The following STX2 variants were observed in gnomAD, a reference collection of about 807,000 sequenced individuals.
STX2 encodes syntaxin-2.
In STX2, 27 loss-of-function variants were observed where a neutral mutation model predicts 40.6. The ratio of observed to expected loss-of-function variants is 0.66; its 90% CI spans 0.49 to 0.92. The LOEUF (loss-of-function observed/expected upper bound fraction) is 0.92. Ranked by LOEUF, STX2 falls within the 40% of genes least tolerant of loss-of-function variation. The probability of loss-of-function intolerance (pLI) is 0.00; values close to 1 mark genes in which losing one functional copy is unlikely to be tolerated. For missense variants in STX2, 328 were observed against 366.1 expected, an observed-to-expected ratio of 0.90 and a Z score of 0.85; for synonymous variants, 123 against 119.1, an observed-to-expected ratio of 1.03 and a Z score of -0.22.
At position 130,818,767 on chromosome 12, in the gene STX2, G is replaced by A. The variant is rs564041873; in HGVS notation, c.205+2922C>T. 9.8e-5 allele frequency among the ~76,000 whole-genome samples: 15 copies of A among 152,332 alleles called. No homozygotes were observed. The South Asian group carries it at 2.5e-3, about 25-fold the overall frequency. On this transcript the variant is annotated intron_variant, in intron 3 of 10. Transcript: ENST00000392373. ...GGAAGCAGAGAAAACGGGAGCGTGC[G>A]CAGCCGCAAGGACGACCGCACCCGA...
chr12:130,805,629 G>A (rs927912292), intron 6 of STX2, among the ~76,000 whole-genome samples: 49 of 152,126 alleles, frequency 3.2e-4, no homozygotes, highest in Non-Finnish European at 8.8e-5. Flanking sequence ...TGCTCAGAAG[G>A]GTCTTACCTC....
chr12:130,810,221 C>A (rs114004702), intron 4 of STX2, among the ~76,000 whole-genome samples: 2,505 of 152,152 alleles, frequency 0.016, 81 homozygotes, highest in African/African-American at 0.057. Flanking sequence ...TCAGTGAGAA[C>A]CAGAATTTGG....
Position 130,790,789 on chromosome 12 carries a change from A to G in STX2, c.*1234T>C. 1 of 152,594 alleles carries G rather than the reference A, an allele frequency of 6.6e-6. No individual in the cohort carries two copies. The highest frequency in any genetic ancestry group is 1.9e-4 in the East Asian group (1 of 5,186). The allele number at this position is 152,594 out of a possible 1,614,324, so 9.5% of individuals were successfully genotyped here. A position where few individuals can be genotyped will look rare whatever the true frequency, so the allele number is the denominator to read the frequency against. ...GGAAACTCGAATCTCCTATTTAGTG[A>G]AAAGAGACCACGGTCTTTACAGTGC... On this transcript the variant is annotated 3_prime_UTR_variant, in exon 11 of 11. Coordinates refer to ENST00000392373, the MANE Select transcript of STX2 (RefSeq NM_194356.4).
intron 8 of STX2, among the ~76,000 whole-genome samples, chr12:130,800,864 T>G (rs1012430626): frequency 2.6e-5 from 4 of 152,234 alleles, no homozygotes; most frequent in Non-Finnish European, 5.9e-5. Context: ...TCTGCATATT[T>G]CAGTAAGAAT....
intron 1 of STX2, among the ~76,000 whole-genome samples, chr12:130,829,197 C>T (rs940161593): frequency 5.9e-5 from 9 of 152,170 alleles, no homozygotes; most frequent in African/African-American, 1.4e-4. Context: ...CAGTAGCTGA[C>T]GCCAGGTCTG....
chr12:130,821,243 C>T (rs982576736), intron 3 of STX2, among the ~76,000 whole-genome samples: 1 of 152,184 alleles, frequency 6.6e-6, no homozygotes, highest in African/African-American at 2.4e-5. Context: ...AGCCACTGAG[C>T]GCAGCACAGT....
intron 2 of STX2, among the ~76,000 whole-genome samples, chr12:130,826,269 A>T (rs1247883179): frequency 6.6e-6 from 1 of 152,220 alleles, no homozygotes. Context: ...CCCCACAGCC[A>T]GGCGCCACCT....
chr12:130,793,508 T>C (rs1407816075), intron 10 of STX2, among the ~76,000 whole-genome samples: 3 of 152,218 alleles, frequency 2.0e-5, no homozygotes, highest in Non-Finnish European at 2.9e-5. Flanking sequence ...CGTGTCTGGG[T>C]GCTCGATGTG....
chr12:130,814,119 A>G (rs1286833630), intron 3 of STX2, among the ~76,000 whole-genome samples: 3 of 152,156 alleles, frequency 2.0e-5, no homozygotes, highest in Non-Finnish European at 4.4e-5. Flanking sequence ...TGGCTCGTCC[A>G]GGGTTTCAGA....
In STX2 at chr12:130,791,683, T is replaced by C. The variant is rs988693498; in HGVS notation, c.*340A>G. ...GTCTCACACTGCTCACATTCTGTAGTGTGTCATTCAGGGTCACGCATCACA... is the reference window on the plus strand; with the variant it reads ...GTCTCACACTGCTCACATTCTGTAGCGTGTCATTCAGGGTCACGCATCACA... On this transcript the variant is annotated 3_prime_UTR_variant, in exon 11 of 11. Coordinates refer to ENST00000392373, the MANE Select transcript of STX2 (RefSeq NM_194356.4). 1 of 500,500 alleles carries C rather than the reference T, an allele frequency of 2.0e-6. No homozygotes were observed. The highest frequency in any genetic ancestry group is 3.5e-6 in the Non-Finnish European group (1 of 284,066). 31.0% of individuals were successfully genotyped at this position (500,500 alleles called of 1,614,324 possible). A position where few individuals can be genotyped will look rare whatever the true frequency, so the allele number is the denominator to read the frequency against.
At position 130,791,020 on chromosome 12, in the gene STX2, C is replaced by T. The variant is rs1490768540; in HGVS notation, c.*1003G>A. 3 of 152,344 alleles carry T rather than the reference C, an allele frequency of 2.0e-5. No homozygotes were observed. Among genetic ancestry groups the T allele is most frequent in the African/African-American group, 7.2e-5 (3 of 41,380 alleles). The allele number at this position is 152,344 out of a possible 1,614,324, so 9.4% of individuals were successfully genotyped here. A position where few individuals can be genotyped will look rare whatever the true frequency, so the allele number is the denominator to read the frequency against. On this transcript the variant is annotated 3_prime_UTR_variant, in exon 11 of 11. Transcript: ENST00000392373. ...ACACCATGAAGCTTCCTATTTCACT[C>T]AAAAGGCCACATTCAGTATATAAAA...
At chr12:130,819,702 A>G (rs1952039559) in intron 3 of STX2, among the ~76,000 whole-genome samples, 1 of 152,280 alleles carries the variant, frequency 6.6e-6, no homozygotes, top group Admixed American at 6.5e-5. Context: ...CAGATGTTAC[A>G]TAAAAGGTCC....
intron 9 of STX2, chr12:130,798,254 A>G (rs1364365249): frequency 5.0e-6 from 1 of 199,448 alleles, no homozygotes; most frequent in African/African-American, 2.3e-5. Context: ...CCAATTCAAA[A>G]AAAAAAAAAA....
rs527659769 is a variant in STX2, at chr12:130,791,580, C to G, written c.*443G>C. The G allele has an allele frequency of 1.4e-4, 27 of 191,040 alleles. No individual in the cohort carries two copies. The highest frequency in any genetic ancestry group is 6.8e-4 in the Admixed American group (11 of 16,232). The allele number at this position is 191,040 out of a possible 1,614,324, so 11.8% of individuals were successfully genotyped here. A position where few individuals can be genotyped will look rare whatever the true frequency, so the allele number is the denominator to read the frequency against. On this transcript the variant is annotated 3_prime_UTR_variant, in exon 11 of 11. Coordinates refer to ENST00000392373, the MANE Select transcript of STX2 (RefSeq NM_194356.4). ...AAAGCATTCCTTCCTAATTAAACTT[C>G]ATGCACATTTGTTAACACTGAAATA...
chr12:130,839,219 C>T lies in STX2; in HGVS notation c.-120G>A, dbSNP rs1276735658. The stretch of plus-strand genomic sequence containing the variant: ...CGGTCCCGGCCCGGCGCCAGCAGCC[C>T]TCCCTGGAGCCGGCGCTGCCACGGC... On this transcript the variant is annotated 5_prime_UTR_variant, in exon 1 of 11. Coordinates refer to ENST00000392373, the MANE Select transcript of STX2 (RefSeq NM_194356.4). 2.2e-6 allele frequency: 2 copies of T among 905,484 alleles called. No homozygotes were observed. Among genetic ancestry groups the T allele is most frequent in the East Asian group, 7.6e-5 (1 of 13,146 alleles). The allele number at this position is 905,484 out of a possible 1,614,324, so 56.1% of individuals were successfully genotyped here. A position where few individuals can be genotyped will look rare whatever the true frequency, so the allele number is the denominator to read the frequency against.
chr12:130,815,801 C>T (rs1226519847), intron 3 of STX2, among the ~76,000 whole-genome samples: 1 of 152,150 alleles, frequency 6.6e-6, no homozygotes. Context: ...GTGCCTGAGC[C>T]TGCACAATAC....
rs200630891 is a variant in STX2, at chr12:130,807,018, G to C, written c.427C>G (p.Arg143Gly). The C allele has an allele frequency of 6.2e-6, 10 of 1,614,002 alleles. No homozygotes were observed. Among genetic ancestry groups the C allele is most frequent in the Non-Finnish European group, 8.5e-6 (10 of 1,180,014 alleles). The change falls in exon 6 of 11, where the codon CGG becomes GGG. Residue 143 changes from arginine to glycine, a missense_variant. Transcript: ENST00000392373. ...YNEAQTLFRE[R>G]SKGRIQRQLE... ...TGGCGCTGGATGCGGCCTTTGCTCC[G>C]CTCCCGAAACAGAGTCTGTGCCTCA... is the stretch of plus-strand genomic sequence containing the variant.
At chr12:130,834,280 C>T (rs1173415758) in intron 1 of STX2, among the ~76,000 whole-genome samples, 1 of 151,276 alleles carries the variant, frequency 6.6e-6, no homozygotes, top group African/African-American at 2.4e-5. Flanking sequence ...TTCCTTGAAC[C>T]CTAGAGGCGG....
rs2136379991 is a variant in STX2 at position 130,839,197 on chromosome 12, T to G, written c.-98A>C. Reference sequence around the variant, plus strand: ...CCGGTCTCCGCCTCAGGCCCCGCGGTCCCGGCCCGGCGCCAGCAGCCCTCC... The same window carrying G: ...CCGGTCTCCGCCTCAGGCCCCGCGGGCCCGGCCCGGCGCCAGCAGCCCTCC... On this transcript the variant is annotated 5_prime_UTR_variant, in exon 1 of 11. Coordinates refer to ENST00000392373, the MANE Select transcript of STX2 (RefSeq NM_194356.4). The G allele has an allele frequency of 3.0e-5, 31 of 1,026,188 alleles. No homozygotes were observed. Among genetic ancestry groups the G allele is most frequent in the East Asian group, 1.2e-4 (2 of 16,258 alleles). 63.6% of individuals were successfully genotyped at this position (1,026,188 alleles called of 1,614,324 possible).
Sources: gnomAD v4.1 joint callset for allele counts (sites outside exome capture counted in the v4.1 genomes callset) on GRCh38, gnomAD v4.1.1 for gene constraint, MANE v1.5 for transcripts, NCBI Gene and HGNC (gene_info 2026-07-23, HGNC 2026-07-21) for gene names.